FOXR1: variants seen among roughly 807,000 people sequenced by gnomAD.
FOXR1 encodes the protein forkhead box protein R1.
FOXR1 carries 25 observed loss-of-function variants against 34.5 expected under a neutral mutation model. The ratio of observed to expected loss-of-function variants is 0.72; its 90% CI spans 0.53 to 1.01. The LOEUF (loss-of-function observed/expected upper bound fraction) is 1.01. FOXR1 is among the 50% of genes least tolerant of loss of function. FOXR1 has a pLI of 0.00. For missense variants in FOXR1, 373 were observed against 376.2 expected, an observed-to-expected ratio of 0.99 and a Z score of 0.07; for synonymous variants, 153 against 141.6, an observed-to-expected ratio of 1.08 and a Z score of -0.57.
At chr11:118,974,801 G>A (rs906739736) in intron 1 of FOXR1, among the ~76,000 whole-genome samples, 29 of 152,134 alleles carry the variant, frequency 1.9e-4, no homozygotes, top group African/African-American at 6.5e-4. Flanking sequence ...CTGATGGATT[G>A]GATATGGCGT....
chr11:118,980,312 C>T (rs782214846), intron 4 of FOXR1, 178 bp from the exon 5 acceptor site: 4 of 741,856 alleles, frequency 5.4e-6, no homozygotes, highest in South Asian at 2.9e-5. Context: ...AGGTGAGCCA[C>T]GCACCACGTG....
Position 118,980,654 on chromosome 11 carries a change from GC to G in FOXR1, c.778del (p.Arg260AlafsTer14). 1 of 1,613,912 alleles carries G rather than the reference GC, an allele frequency of 6.2e-7. No individual in the cohort carries two copies. Among genetic ancestry groups the G allele is most frequent in the Non-Finnish European group, 8.5e-7 (1 of 1,180,044 alleles). ...TGGAAGTTGACCGAGGAGGGACACC[GC>G]CGCTTTGCGGAGGAGGCCCGCGCCT... ...CLWKLTEEGH[R>X]RFAEEARALA... is the part of the protein sequence containing the mutation. On this transcript the variant is annotated frameshift_variant, in exon 5 of 6. Coordinates refer to ENST00000317011, the MANE Select transcript of FOXR1 (RefSeq NM_181721.3). LOFTEE classifies it high-confidence loss of function.
At chr11:118,979,705 G>T in intron 4 of FOXR1, 37 bp downstream of exon 4, 2 of 1,536,324 alleles carry the variant, frequency 1.3e-6, no homozygotes, top group Non-Finnish European at 1.8e-6. Flanking sequence ...GGGGAAGTGG[G>T]GGCCAGGGCC....
chr11:118,979,995 A>G (rs78172997), intron 4 of FOXR1, among the ~76,000 whole-genome samples: 1,971 of 152,088 alleles, frequency 0.013, 42 homozygotes, highest in East Asian at 0.058. Context: ...GGTTTCCCCA[A>G]CGGTTCCCAC....
intron 5 of FOXR1, 99 bp downstream of exon 5, chr11:118,980,827 G>C: frequency 8.8e-7 from 1 of 1,135,670 alleles, no homozygotes; most frequent in Non-Finnish European, 1.2e-6. Context: ...GGGGGTGGGG[G>C]AATGCATCTT....
chr11:118,979,177 G>A lies in FOXR1; in HGVS notation c.357G>A (p.Arg119=), dbSNP rs782252134. 2.0e-6 allele frequency: 3 copies of A among 1,535,204 alleles called. No homozygotes were observed. The highest frequency in any genetic ancestry group is 2.6e-6 in the Non-Finnish European group (3 of 1,145,056). Residue 119 remains arginine (R), a synonymous_variant, in exon 3 of 6, where the codon CGG becomes CGA. Coordinates refer to ENST00000317011, the MANE Select transcript of FOXR1 (RefSeq NM_181721.3). ...SSSKRSPPRK[R]FAFSPSTWEL... ...GCAAGCGGTCTCCCCCTCGGAAGCG[G>A]TTTGCCTTTTCCCCCAGCACCTGGG...
At chr11:118,972,521 T>A (rs1941723792) in intron 1 of FOXR1, among the ~76,000 whole-genome samples, 1 of 152,150 alleles carries the variant, frequency 6.6e-6, no homozygotes, top group African/African-American at 2.4e-5. Flanking sequence ...TTAGGTTTTC[T>A]TTTTCTTCTT....
chr11:118,979,453 G>A lies in FOXR1; in HGVS notation c.396G>A (p.Glu132=), dbSNP rs2134486514. The A allele has an allele frequency of 2.5e-6, 4 of 1,608,672 alleles. No individual in the cohort carries two copies. The East Asian group carries it at 6.7e-5, about 27-fold the overall frequency. The change falls in exon 4 of 6, where the codon GAG becomes GAA. Residue 132 remains glutamate, a synonymous_variant. Transcript: ENST00000317011. ...FSPSTWELTE[E]EEAEDQEDSS... Reference sequence around the variant, plus strand: ...CTGTGCTCCTCTAGCTCACAGAAGAGGAGGAGGCTGAGGACCAGGAAGACA... The same window carrying A: ...CTGTGCTCCTCTAGCTCACAGAAGAAGAGGAGGCTGAGGACCAGGAAGACA...
Position 118,971,842 on chromosome 11 carries a change from C to T in FOXR1, c.-90C>T. The stretch of plus-strand genomic sequence containing the variant: ...GTCCCCACTCCGCGCCGCCGCGCCT[C>T]TGCCAGCCCCGAAGGTGGACGTGAA... On this transcript the variant is annotated 5_prime_UTR_variant, in exon 1 of 6. Coordinates refer to ENST00000317011, the MANE Select transcript of FOXR1 (RefSeq NM_181721.3). The T allele has an allele frequency of 6.9e-7, 1 of 1,441,804 alleles. No homozygotes were observed. The highest frequency in any genetic ancestry group is 9.5e-7 in the Non-Finnish European group (1 of 1,051,692). 89.3% of individuals were successfully genotyped at this position (1,441,804 alleles called of 1,614,324 possible). A position where few individuals can be genotyped will look rare whatever the true frequency, so the allele number is the denominator to read the frequency against.
chr11:118,972,613 CTTT>C (rs796683351), intron 1 of FOXR1, among the ~76,000 whole-genome samples: 1 of 76,952 alleles, frequency 1.3e-5, no homozygotes. Flanking sequence ...TGGATTAACT[CTTT>C]TTTTTTTTTC....
Position 118,979,125 on chromosome 11 carries a change from G to T in FOXR1, c.305G>T (p.Gly102Val). Reference protein sequence around the residue: ...EEDASCSEAAGVESLSQSSSK... With the variant: ...EEDASCSEAAVVESLSQSSSK... ...GATGCCAGCTGCTCAGAGGCCGCAG[G>T]GGTGGAATCACTGTCCCAGTCCTCC... The change falls in exon 3 of 6, where the codon GGG becomes GTG. Residue 102 changes from glycine to valine, a missense_variant. Gly to Val is a moderately radical substitution (Grantham distance 109). Coordinates refer to ENST00000317011, the MANE Select transcript of FOXR1 (RefSeq NM_181721.3). The T allele has an allele frequency of 6.2e-7, 1 of 1,603,242 alleles. No individual in the cohort carries two copies. The highest frequency in any genetic ancestry group is 1.7e-5 in the Admixed American group (1 of 57,542).
intron 1 of FOXR1, among the ~76,000 whole-genome samples, chr11:118,977,925 A>C (rs1941799051): frequency 6.6e-6 from 1 of 152,124 alleles, no homozygotes; most frequent in South Asian, 2.1e-4. Flanking sequence ...CTATACAAAA[A>C]ATACAAAAAT....
At position 118,971,786 on chromosome 11, in the gene FOXR1, TCGCTCCTCAGCCGCCGCGCTCC is replaced by T; in HGVS notation, c.-144_-123del. Reference sequence around the variant, plus strand: ...GCATTTGAGAAGGCGCCTGTGAGGGTCGCTCCTCAGCCGCCGCGCTCCCACTCCGCGTCCCCACTCCGCGCCG... The same window carrying T: ...GCATTTGAGAAGGCGCCTGTGAGGGTCACTCCGCGTCCCCACTCCGCGCCG... On this transcript the variant is annotated 5_prime_UTR_variant, in exon 1 of 6. Coordinates refer to ENST00000317011, the MANE Select transcript of FOXR1 (RefSeq NM_181721.3). 3.8e-6 allele frequency: 3 copies of T among 793,882 alleles called. No individual in the cohort carries two copies. Among genetic ancestry groups the T allele is most frequent in the Non-Finnish European group, 6.3e-6 (3 of 478,614 alleles). The allele number at this position is 793,882 out of a possible 1,614,324, so 49.2% of individuals were successfully genotyped here. A position where few individuals can be genotyped will look rare whatever the true frequency, so the allele number is the denominator to read the frequency against.
Position 118,979,502 on chromosome 11 carries a change from C to T in FOXR1, c.445C>T (p.Pro149Ser), listed in dbSNP as rs1024810128. 6 of 1,613,232 alleles carry T rather than the reference C, an allele frequency of 3.7e-6. No homozygotes were observed. The highest frequency in any genetic ancestry group is 1.7e-5 in the Admixed American group (1 of 59,888). ...CAGCTCCTCTATGGCTCTCCCATCC[C>T]CTCACAAAAGGGCCCCCCTCCAGAG... ...EDSSSMALPS[P>S]HKRAPLQSRR... Residue 149 changes from proline (P) to serine (S), a missense_variant, in exon 4 of 6, where the codon CCT (proline) becomes TCT (serine). Physicochemically the swap from Pro to Ser is moderately conservative, Grantham distance 74. Transcript: ENST00000317011.
In FOXR1 at chr11:118,980,561, G is replaced by A. The variant is rs144436263; in HGVS notation, c.683G>A (p.Arg228Gln). 3.2e-5 allele frequency: 51 copies of A among 1,614,128 alleles called. No homozygotes were observed. The highest frequency in any genetic ancestry group is 4.1e-5 in the Non-Finnish European group (48 of 1,180,058). The change falls in exon 5 of 6, where the codon CGA becomes CAA. Residue 228 changes from arginine (R) to glutamine (Q), a missense_variant. Physicochemically the swap from Arg to Gln is conservative, Grantham distance 43. Transcript: ENST00000317011. ...ACTGTCCGTCACAATCTCTGTTTTC[G>A]AGACAGCTTTGAGAAAGTGCCTGTC... is the stretch of plus-strand genomic sequence containing the variant. Reference protein sequence around the residue: ...KNTVRHNLCFRDSFEKVPVSM... With the variant: ...KNTVRHNLCFQDSFEKVPVSM...
At chr11:118,972,465 C>G (rs2510895) in intron 1 of FOXR1, among the ~76,000 whole-genome samples, 151,240 of 152,196 alleles carry the variant, frequency 0.99, 75,157 homozygotes, top group East Asian at 1. Flanking sequence ...CTGACACCTA[C>G]AAGTGCTCCG....
chr11:118,973,283 G>A (rs1941738304), intron 1 of FOXR1, among the ~76,000 whole-genome samples: 1 of 152,136 alleles, frequency 6.6e-6, no homozygotes, highest in Non-Finnish European at 1.5e-5. Context: ...GGGGCAGACA[G>A]ATAATCCACA....
rs540403742 is a variant in FOXR1 at position 118,979,687 on chromosome 11, G to T, written c.611+19G>T. The stretch of plus-strand genomic sequence containing the variant: ...TCACTCGGTATGTGCCGGGGGCCCT[G>T]CGAGGAGGGGGAAGTGGGGGCCAGG... On this transcript the variant is annotated intron_variant, in intron 4 of 5. Transcript: ENST00000317011. 6.4e-6 allele frequency: 10 copies of T among 1,556,898 alleles called. No individual in the cohort carries two copies. In the South Asian group the frequency reaches 1.1e-4, roughly 17 times the overall value.
chr11:118,972,127 G>GCCC, intron 1 of FOXR1, 135 bp downstream of exon 1: 1 of 446,314 alleles, frequency 2.2e-6, no homozygotes, highest in Non-Finnish European at 3.3e-6. Context: ...CGAGCGCCCC[G>GCCC]CGCCCCCCCC....
Sources: gnomAD v4.1 joint callset for allele counts (sites outside exome capture counted in the v4.1 genomes callset) on GRCh38, gnomAD v4.1.1 for gene constraint, MANE v1.5 for transcripts, NCBI Gene and HGNC (gene_info 2026-07-23, HGNC 2026-07-21) for gene names.